Variants in MVK observed in about 807,000 individuals in gnomAD.
MVK encodes mevalonate kinase, also known as LH receptor mRNA-binding protein.
MVK carries 34 observed loss-of-function variants against 43.2 expected under a neutral mutation model. That is an observed-to-expected ratio of 0.79 (90% CI 0.60 to 1.05). The LOEUF is 1.05. MVK is among the 50% of genes least tolerant of loss of function. The pLI, the probability that MVK is intolerant of heterozygous loss-of-function variation, is 0.00. For missense variants in MVK, 395 were observed against 504.0 expected (o/e 0.78, Z 2.07); for synonymous variants, 190 against 219.8 (o/e 0.86, Z 1.20).
intron 9 of MVK, among the ~76,000 whole-genome samples, chr12:109,594,792 A>T (rs565504940): frequency 5.9e-5 from 9 of 152,320 alleles, no homozygotes; most frequent in African/African-American, 2.2e-4. Flanking sequence ...GACCAGCCCT[A>T]GGATATGTGC....
At position 109,574,712 on chromosome 12, in the gene MVK, GTTA is replaced by G. The variant is rs1049582313; in HGVS notation, c.-14-92_-14-90del. Reference sequence around the variant, plus strand: ...GTGCTGGACGGTAACTACCTTTTTTGTTATTATGATGGGCTTGAACTAGGTGTT... The same window carrying G: ...GTGCTGGACGGTAACTACCTTTTTTGTTATGATGGGCTTGAACTAGGTGTT... On this transcript the variant is annotated intron_variant, in intron 1 of 10. Transcript: ENST00000228510. 13 of 1,065,440 alleles carry G rather than the reference GTTA, an allele frequency of 1.2e-5. No individual in the cohort carries two copies. The African/African-American group carries it at 1.4e-4, about 12-fold the overall frequency. 66.0% of individuals were successfully genotyped at this position (1,065,440 alleles called of 1,614,324 possible). A position where few individuals can be genotyped will look rare whatever the true frequency, so the allele number is the denominator to read the frequency against.
rs774861235 is a variant in MVK, at chr12:109,596,454, G to A, written c.1068G>A (p.Thr356=). Residue 356 remains threonine (T), a synonymous_variant, in exon 11 of 11, where the codon ACG becomes ACA. Transcript: ENST00000228510. ...PGLEQPEVEA[T]KQALTSCGFD... Reference sequence around the variant, plus strand: ...TGGAGCAGCCAGAAGTGGAGGCCACGAAGCAGGCCCTGACCAGCTGTGGCT... The same window carrying A: ...TGGAGCAGCCAGAAGTGGAGGCCACAAAGCAGGCCCTGACCAGCTGTGGCT... 5.0e-6 allele frequency: 8 copies of A among 1,613,534 alleles called. No homozygotes were observed. The highest frequency in any genetic ancestry group is 1.3e-5 in the African/African-American group (1 of 74,940).
In MVK at chr12:109,581,461, C is replaced by T. The variant is rs777499296; in HGVS notation, c.438C>T (p.Ser146=). 18 of 1,614,054 alleles carry T rather than the reference C, an allele frequency of 1.1e-5. No individual in the cohort carries two copies. Among genetic ancestry groups the T allele is most frequent in the East Asian group, 6.7e-5 (3 of 44,876 alleles). The change falls in exon 5 of 11, where the codon AGC becomes AGT. Residue 146 remains serine (S), a synonymous_variant. Coordinates refer to ENST00000228510, the MANE Select transcript of MVK (RefSeq NM_000431.4). Reference sequence around the variant, plus strand: ...CCCCCGGGGCGGGCTTGGGCTCCAGCGCCGCCTACTCGGTGTGTCTGGCAG... The same window carrying T: ...CCCCCGGGGCGGGCTTGGGCTCCAGTGCCGCCTACTCGGTGTGTCTGGCAG... ...ELPPGAGLGS[S]AAYSVCLAAA... is the part of the protein sequence containing the mutation.
intron 8 of MVK, 149 bp from the exon 9 acceptor site, chr12:109,591,091 CA>C (rs1203926520): frequency 8.6e-6 from 8 of 932,046 alleles, no homozygotes; most frequent in Middle Eastern, 3.1e-4. Context: ...GCTGGGAAGG[CA>C]AAAAAACAGG....
At chr12:109,586,672 A>G in intron 6 of MVK, 82 bp from the exon 7 acceptor site, 5 of 1,520,820 alleles carry the variant, frequency 3.3e-6, no homozygotes, top group Non-Finnish European at 4.6e-6. Flanking sequence ...AATGAACCCA[A>G]CCCAAAGTTC....
rs1593029367 is a variant in MVK, at chr12:109,592,820, C to T, written c.885+1463C>T. On this transcript the variant is annotated intron_variant, in intron 9 of 10. Coordinates refer to ENST00000228510, the MANE Select transcript of MVK (RefSeq NM_000431.4). ...GCGCCTCCATCGAATTCCTGTGTTT[C>T]GGCCCTCATTCCCTCAGTCTTTGTC... 3.9e-5 allele frequency among the ~76,000 whole-genome samples: 6 copies of T among 152,284 alleles called. No homozygotes were observed. The South Asian group carries it at 8.3e-4, about 21-fold the overall frequency.
At chr12:109,591,177 G>A in intron 8 of MVK, 64 bp from the exon 9 acceptor site, 1 of 1,452,742 alleles carries the variant, frequency 6.9e-7, no homozygotes, top group Non-Finnish European at 9.7e-7. Flanking sequence ...CCCACTGCTG[G>A]GGCAGCTGTC....
At chr12:109,590,882 G>T (rs2136245193) in intron 8 of MVK, 21 bp downstream of exon 8, 2 of 1,612,464 alleles carry the variant, frequency 1.2e-6, no homozygotes, top group South Asian at 2.2e-5. Flanking sequence ...TTCCCTTCTT[G>T]GGCAGGTTTC....
chr12:109,594,905 T>C (rs1040715694), intron 9 of MVK, 123 bp from the exon 10 acceptor site: 5 of 1,191,254 alleles, frequency 4.2e-6, no homozygotes, highest in East Asian at 2.4e-5. Context: ...GGGTGCCAGG[T>C]AGGCAAAGCC....
Position 109,591,365 on chromosome 12 carries a change from C to T in MVK, c.885+8C>T. The T allele has an allele frequency of 6.2e-7, 1 of 1,612,532 alleles. No individual in the cohort carries two copies. Among genetic ancestry groups the T allele is most frequent in the Non-Finnish European group, 8.5e-7 (1 of 1,178,692 alleles). On this transcript the variant is annotated splice_region_variant and intron_variant, in intron 9 of 10. Coordinates refer to ENST00000228510, the MANE Select transcript of MVK (RefSeq NM_000431.4). ...CAGTACCTCGTGCTGGAAGTAAGAGCCTGTCTGCAGGAACCGGGGTTACTG... is the reference window on the plus strand; with the variant it reads ...CAGTACCTCGTGCTGGAAGTAAGAGTCTGTCTGCAGGAACCGGGGTTACTG...
At chr12:109,581,335 C>G in intron 4 of MVK, 60 bp from the exon 5 acceptor site, 1 of 1,608,274 alleles carries the variant, frequency 6.2e-7, no homozygotes, top group Non-Finnish European at 8.5e-7. Flanking sequence ...GCCCCTGGTT[C>G]AGTGCTGGCA....
chr12:109,586,806 T>C lies in MVK; in HGVS notation c.677+7T>C, dbSNP rs568901752. The C allele has an allele frequency of 6.2e-7, 1 of 1,614,034 alleles. No individual in the cohort carries two copies. The highest frequency in any genetic ancestry group is 1.1e-5 in the South Asian group (1 of 91,084). On this transcript the variant is annotated splice_region_variant and intron_variant, in intron 7 of 10. Transcript: ENST00000228510. ...AGATTTCATCCTTAAAGAGGTAACC[T>C]GGGGGTGGAGCAGCACATTCAGCCA...
In MVK at chr12:109,581,446, G is replaced by A. The variant is rs756068705; in HGVS notation, c.423G>A (p.Ala141=). Residue 141 remains alanine, a synonymous_variant, in exon 5 of 11, where the codon GCG becomes GCA. Transcript: ENST00000228510. ...IVVWSELPPG[A]GLGSSAAYSV... is the part of the protein sequence containing the mutation. ...TGTGGTCGGAGCTGCCCCCCGGGGCGGGCTTGGGCTCCAGCGCCGCCTACT... is the reference window on the plus strand; with the variant it reads ...TGTGGTCGGAGCTGCCCCCCGGGGCAGGCTTGGGCTCCAGCGCCGCCTACT... The A allele has an allele frequency of 2.1e-5, 34 of 1,614,040 alleles. No homozygotes were observed. Among genetic ancestry groups the A allele is most frequent in the South Asian group, 1.2e-4 (11 of 91,090 alleles).
At position 109,576,118 on chromosome 12, in the gene MVK, C is replaced by T. The variant is rs1182022237; in HGVS notation, c.199C>T (p.Leu67Phe). ...CAAGCGGGCCTGGGATGTGGCCAGG[C>T]TTCAGTCACTGGACACAAGCTTTCT... is the stretch of plus-strand genomic sequence containing the variant. ...GIKRAWDVAR[L>F]QSLDTSFLEQ... The change falls in exon 3 of 11, where the codon CTT becomes TTT. Residue 67 changes from leucine (L) to phenylalanine (F), a missense_variant. Transcript: ENST00000228510. 6.2e-7 allele frequency: 1 copy of T among 1,614,152 alleles called. No homozygotes were observed. Among genetic ancestry groups the T allele is most frequent in the East Asian group, 2.2e-5 (1 of 44,880 alleles).
At chr12:109,581,689 C>A in intron 5 of MVK, 139 bp downstream of exon 5, 1 of 1,284,804 alleles carries the variant, frequency 7.8e-7, no homozygotes, top group Non-Finnish European at 1.1e-6. Context: ...AGCTGAGCCC[C>A]GAGAGGTCAA....
intron 9 of MVK, among the ~76,000 whole-genome samples, chr12:109,593,716 A>ATTT (rs33948292): frequency 0.096 from 10,588 of 110,214 alleles, 1,100 homozygotes; most frequent in African/African-American, 0.16. Flanking sequence ...AAAGAAGCAG[A>ATTT]TTTTTTTTTT....
At chr12:109,584,333 G>A (rs1345115007) in intron 5 of MVK, among the ~76,000 whole-genome samples, 1 of 152,288 alleles carries the variant, frequency 6.6e-6, no homozygotes, top group African/African-American at 2.4e-5. Context: ...ACTCAGAGCA[G>A]GTAATTGACT....
intron 5 of MVK, among the ~76,000 whole-genome samples, chr12:109,582,315 TTTTTG>T (rs141474441): frequency 0.43 from 64,659 of 151,344 alleles, 15,600 homozygotes; most frequent in African/African-American, 0.66. Flanking sequence ...GAGCTTGGTT[TTTTTG>T]TTTGTTTGTT....
chr12:109,593,716 A>ATT (rs33948292), intron 9 of MVK, among the ~76,000 whole-genome samples: 43,694 of 110,048 alleles, frequency 0.4, 9,547 homozygotes, highest in Non-Finnish European at 0.44. Flanking sequence ...AAAGAAGCAG[A>ATT]TTTTTTTTTT....
Sources: gnomAD v4.1 joint callset for allele counts (sites outside exome capture counted in the v4.1 genomes callset) on GRCh38, gnomAD v4.1.1 for gene constraint, MANE v1.5 for transcripts, NCBI Gene and HGNC (gene_info 2026-07-23, HGNC 2026-07-21) for gene names.